The following ITGA9 variants were observed in gnomAD, a reference collection of about 807,000 sequenced individuals.
The protein encoded by ITGA9 is integrin subunit alpha 9, also known as integrin alpha-9.
In ITGA9, 56 loss-of-function variants were observed where a neutral mutation model predicts 127.8. The ratio of observed to expected loss-of-function variants is 0.44; its 90% CI spans 0.35 to 0.55. ITGA9 has a LOEUF of 0.55. Ranked by LOEUF, ITGA9 falls within the 20% of genes least tolerant of loss-of-function variation. ITGA9 has a pLI of 0.00. For missense variants in ITGA9, 1,196 were observed against 1,347.1 expected, an observed-to-expected ratio of 0.89 and a Z score of 1.76; for synonymous variants, 508 against 514.5, an observed-to-expected ratio of 0.99 and a Z score of 0.17.
At chr3:37,631,620 A>C (rs1700230856) in intron 16 of ITGA9, among the ~76,000 whole-genome samples, 1 of 152,174 alleles carries the variant, frequency 6.6e-6, no homozygotes, top group Non-Finnish European at 1.5e-5. Context: ...AGTAAATGGA[A>C]GAGTGTTAGT....
intron 24 of ITGA9, among the ~76,000 whole-genome samples, chr3:37,778,903 A>G (rs1286078298): frequency 8.1e-6 from 1 of 123,284 alleles, no homozygotes; most frequent in African/African-American, 3.1e-5. Flanking sequence ...TTTTACTTAC[A>G]TAGTGAGGGT....
chr3:37,520,807 A>G (rs72867576), intron 11 of ITGA9, among the ~76,000 whole-genome samples: 6,905 of 152,258 alleles, frequency 0.045, 440 homozygotes, highest in African/African-American at 0.15. Flanking sequence ...AAGTCACCCA[A>G]GGAGCCCCGT....
At chr3:37,590,688 G>T (rs1699806761) in intron 15 of ITGA9, among the ~76,000 whole-genome samples, 1 of 151,510 alleles carries the variant, frequency 6.6e-6, no homozygotes, top group South Asian at 2.1e-4. Context: ...CTTTGCCAAA[G>T]TTCAGATGTC....
chr3:37,793,424 ACACACACACACACGTG>A (rs1421735273), intron 26 of ITGA9, among the ~76,000 whole-genome samples: 2 of 148,414 alleles, frequency 1.3e-5, no homozygotes, highest in East Asian at 1.9e-4. Context: ...ACACACACAC[ACACACACACACACGTG>A]CACACACATC....
chr3:37,756,497 G>C lies in ITGA9; in HGVS notation c.2541+5928G>C, dbSNP rs553438022. Among the ~76,000 whole-genome samples the C allele has an allele frequency of 1.5e-4, 23 of 152,262 alleles. 1 individual carries two copies. Among genetic ancestry groups the C allele is most frequent in the African/African-American group, 4.8e-4 (20 of 41,558 alleles). On this transcript the variant is annotated intron_variant, in intron 23 of 27. Coordinates refer to ENST00000264741, the MANE Select transcript of ITGA9 (RefSeq NM_002207.3). ...CTAGAGTTGCGATCATTTATATAGA[G>C]ACCAAGACAGAATGAGTCAGAATGT...
At chr3:37,578,424 A>G (rs1699673577) in intron 15 of ITGA9, among the ~76,000 whole-genome samples, 1 of 152,160 alleles carries the variant, frequency 6.6e-6, no homozygotes, top group African/African-American at 2.4e-5. Flanking sequence ...GGGAAACGTA[A>G]AGGCCAGTCA....
chr3:37,544,726 A>C (rs987444345), intron 15 of ITGA9, among the ~76,000 whole-genome samples: 1 of 152,164 alleles, frequency 6.6e-6, no homozygotes, highest in Non-Finnish European at 1.5e-5. Context: ...ATTGGGACCT[A>C]GAGTCATTTG....
At chr3:37,548,447 A>G (rs571678573) in intron 15 of ITGA9, among the ~76,000 whole-genome samples, 1 of 152,362 alleles carries the variant, frequency 6.6e-6, no homozygotes, top group Non-Finnish European at 1.5e-5. Context: ...AATGTTATGT[A>G]TGTAAATTAT....
chr3:37,611,285 A>G (rs1700013766), intron 15 of ITGA9, among the ~76,000 whole-genome samples: 1 of 152,126 alleles, frequency 6.6e-6, no homozygotes, highest in Non-Finnish European at 1.5e-5. Flanking sequence ...GTTGGGGATA[A>G]ATATGTTAGC....
At chr3:37,793,389 AACACACACACACACACACAC>A (rs10575371) in intron 26 of ITGA9, among the ~76,000 whole-genome samples, 35 of 134,564 alleles carry the variant, frequency 2.6e-4, no homozygotes, top group Admixed American at 1.1e-3. Flanking sequence ...CAAACAGGTC[AACACACACACACACACACAC>A]ACACACACAC....
At chr3:37,737,916 T>A (rs1696383283) in intron 20 of ITGA9, among the ~76,000 whole-genome samples, 1 of 152,240 alleles carries the variant, frequency 6.6e-6, no homozygotes, top group Non-Finnish European at 1.5e-5. Context: ...CATGTGAAAG[T>A]TGCAGAAATC....
chr3:37,515,136 G>A (rs1292021027), intron 9 of ITGA9, among the ~76,000 whole-genome samples: 2 of 152,182 alleles, frequency 1.3e-5, no homozygotes, highest in Non-Finnish European at 2.9e-5. Flanking sequence ...ATGAGAAAAC[G>A]CTTATGGAGA....
chr3:37,787,640 A>G (rs1559598846), intron 26 of ITGA9, among the ~76,000 whole-genome samples: 1 of 152,016 alleles, frequency 6.6e-6, no homozygotes, highest in Admixed American at 6.6e-5. Flanking sequence ...GAAAAAAAAA[A>G]TCTTTTCTGA....
chr3:37,461,257 C>T (rs934374642), intron 1 of ITGA9, among the ~76,000 whole-genome samples: 5 of 152,174 alleles, frequency 3.3e-5, no homozygotes, highest in African/African-American at 1.2e-4. Context: ...GCACAAGTGC[C>T]TGGTGGCCAA....
At chr3:37,718,917 G>T (rs1394444674) in intron 18 of ITGA9, among the ~76,000 whole-genome samples, 2 of 152,210 alleles carry the variant, frequency 1.3e-5, no homozygotes, top group Non-Finnish European at 2.9e-5. Context: ...GGCTTGGTGA[G>T]AGCAGCCAGG....
intron 15 of ITGA9, among the ~76,000 whole-genome samples, chr3:37,566,202 T>C (rs1346122589): frequency 6.6e-6 from 1 of 152,248 alleles, no homozygotes; most frequent in African/African-American, 2.4e-5. Flanking sequence ...AGTAGATGCC[T>C]GAAACTGTGG....
intron 15 of ITGA9, among the ~76,000 whole-genome samples, chr3:37,618,177 A>T (rs1700093349): frequency 6.6e-6 from 1 of 152,176 alleles, no homozygotes; most frequent in Admixed American, 6.5e-5. Context: ...GTTTCCTTCT[A>T]ACAGTCAGGA....
intron 20 of ITGA9, among the ~76,000 whole-genome samples, chr3:37,740,787 G>A (rs1696423853): frequency 6.6e-6 from 1 of 152,210 alleles, no homozygotes; most frequent in Non-Finnish European, 1.5e-5. Context: ...TTTCCAGAAT[G>A]ATCTCACAAG....
chr3:37,526,561 C>T (rs192110899), intron 13 of ITGA9, among the ~76,000 whole-genome samples: 1 of 152,348 alleles, frequency 6.6e-6, no homozygotes, highest in East Asian at 1.9e-4. Context: ...CACGTCATTC[C>T]CTGTTGGCTG....
Sources: allele counts gnomAD v4.1 joint callset (sites outside exome capture counted in the v4.1 genomes callset), GRCh38; gene constraint gnomAD v4.1.1; transcripts MANE v1.5; gene names NCBI Gene and HGNC (gene_info 2026-07-23, HGNC 2026-07-21).